SLC9A9: variants seen among roughly 807,000 people sequenced by gnomAD.
SLC9A9 encodes the protein sodium/hydrogen exchanger 9.
In SLC9A9, 62 loss-of-function variants were observed where a neutral mutation model predicts 77.8. The observed-to-expected ratio is 0.80, with a 90% confidence interval of 0.65 to 0.98. The LOEUF (loss-of-function observed/expected upper bound fraction) is 0.98, where lower values mean the gene tolerates loss of function less well. Ranked by LOEUF, SLC9A9 falls within the 50% of genes least tolerant of loss-of-function variation. SLC9A9 has a pLI of 0.00. For synonymous variants in SLC9A9, 320 were observed against 283.5 expected (o/e 1.13, Z -1.29); for missense variants, 775 against 774.9 (o/e 1.00, Z 0.00).
intron 14 of SLC9A9, among the ~76,000 whole-genome samples, chr3:143,310,584 T>G (rs1359712815): frequency 2.7e-5 from 4 of 149,140 alleles, no homozygotes; most frequent in African/African-American, 9.9e-5. Flanking sequence ...ATTTTAGAAA[T>G]GGAGACTTTC....
chr3:143,725,136 C>A (rs1934606141), intron 4 of SLC9A9, among the ~76,000 whole-genome samples: 2 of 152,136 alleles, frequency 1.3e-5, no homozygotes, highest in South Asian at 4.1e-4. Flanking sequence ...TATTTAAAGG[C>A]TTTGAAGACA....
At chr3:143,622,108 G>T (rs1240964333) in intron 6 of SLC9A9, among the ~76,000 whole-genome samples, 1 of 152,184 alleles carries the variant, frequency 6.6e-6, no homozygotes, top group Non-Finnish European at 1.5e-5. Context: ...AGAAATATGG[G>T]ACTATGTGAA....
At chr3:143,735,778 G>A (rs558494468) in intron 4 of SLC9A9, among the ~76,000 whole-genome samples, 13 of 152,358 alleles carry the variant, frequency 8.5e-5, no homozygotes, top group Admixed American at 7.2e-4. Context: ...TAACGTTAGT[G>A]TGTAAGATTA....
At chr3:143,530,981 G>GCA (rs1454510193) in intron 9 of SLC9A9, among the ~76,000 whole-genome samples, 2 of 152,108 alleles carry the variant, frequency 1.3e-5, no homozygotes, top group Non-Finnish European at 2.9e-5. Flanking sequence ...CCTAATTCCA[G>GCA]CACTCAGAAA....
At chr3:143,378,977 T>C (rs970661763) in intron 13 of SLC9A9, among the ~76,000 whole-genome samples, 5 of 151,994 alleles carry the variant, frequency 3.3e-5, no homozygotes, top group African/African-American at 1.2e-4. Flanking sequence ...AAAGTTATTT[T>C]ACTTTCCACA....
At chr3:143,405,560 A>G (rs778166044) in intron 12 of SLC9A9, among the ~76,000 whole-genome samples, 4 of 152,196 alleles carry the variant, frequency 2.6e-5, no homozygotes, top group East Asian at 1.9e-4. Flanking sequence ...TGGGTCCCCA[A>G]TATTCTCAGC....
At chr3:143,414,639 A>C (rs1317212551) in intron 12 of SLC9A9, among the ~76,000 whole-genome samples, 1 of 152,198 alleles carries the variant, frequency 6.6e-6, no homozygotes, top group African/African-American at 2.4e-5. Flanking sequence ...AGCAAACTTA[A>C]TGGATAAATG....
chr3:143,780,353 C>T (rs1013599629), intron 4 of SLC9A9, among the ~76,000 whole-genome samples: 3 of 152,134 alleles, frequency 2.0e-5, no homozygotes, highest in African/African-American at 4.8e-5. Context: ...TGGCACATTA[C>T]ATGCAACCAA....
intron 12 of SLC9A9, among the ~76,000 whole-genome samples, chr3:143,412,919 C>G (rs1309324758): frequency 1.3e-5 from 2 of 152,046 alleles, no homozygotes; most frequent in Admixed American, 6.6e-5. Context: ...TATTAGTGGA[C>G]CAATTCTGAT....
intron 6 of SLC9A9, among the ~76,000 whole-genome samples, chr3:143,603,100 T>A (rs1348752046): frequency 6.6e-6 from 1 of 152,252 alleles, no homozygotes; most frequent in Admixed American, 6.5e-5. Context: ...TCATACCATT[T>A]GGTCCAGGTA....
chr3:143,392,879 C>A (rs1352568959), intron 12 of SLC9A9, among the ~76,000 whole-genome samples: 1 of 152,202 alleles, frequency 6.6e-6, no homozygotes, highest in Non-Finnish European at 1.5e-5. Context: ...GTAAAGGGAT[C>A]AATTCAACAA....
intron 6 of SLC9A9, among the ~76,000 whole-genome samples, chr3:143,634,029 T>G (rs1181606248): frequency 6.6e-6 from 1 of 152,360 alleles, no homozygotes; most frequent in South Asian, 2.1e-4. Flanking sequence ...AGTGAACATG[T>G]GCTGCCTTTC....
At chr3:143,466,685 CT>C (rs1228644428) in intron 12 of SLC9A9, among the ~76,000 whole-genome samples, 8 of 152,196 alleles carry the variant, frequency 5.3e-5, no homozygotes, top group Admixed American at 3.3e-4. Context: ...TGTATCAGTC[CT>C]ACTGGATTGT....
chr3:143,646,961 T>C (rs538108831), intron 6 of SLC9A9, among the ~76,000 whole-genome samples: 217 of 152,358 alleles, frequency 1.4e-3, no homozygotes, highest in African/African-American at 5.1e-3. Context: ...TTATTTAGTA[T>C]AGCTGTTGTC....
At chr3:143,618,453 A>T (rs181964244) in intron 6 of SLC9A9, among the ~76,000 whole-genome samples, 2 of 152,168 alleles carry the variant, frequency 1.3e-5, no homozygotes, top group Admixed American at 6.5e-5. Flanking sequence ...TCAGGGCCCA[A>T]TGTTCATTCC....
chr3:143,436,305 C>T (rs888637871), intron 12 of SLC9A9, among the ~76,000 whole-genome samples: 1 of 152,178 alleles, frequency 6.6e-6, no homozygotes, highest in African/African-American at 2.4e-5. Context: ...CTCTCCTGCC[C>T]TAACAGGCTA....
intron 1 of SLC9A9, among the ~76,000 whole-genome samples, chr3:143,833,388 A>G (rs781656526): frequency 2.0e-5 from 3 of 152,230 alleles, no homozygotes; most frequent in Non-Finnish European, 4.4e-5. Flanking sequence ...ACAAACAATT[A>G]TAATAAAACA....
At chr3:143,425,255 G>T (rs2034381681) in intron 12 of SLC9A9, among the ~76,000 whole-genome samples, 1 of 136,568 alleles carries the variant, frequency 7.3e-6, no homozygotes. Context: ...GGGGACCAAT[G>T]AGGCTTAGCT....
At chr3:143,760,356 T>C (rs1012700935) in intron 4 of SLC9A9, among the ~76,000 whole-genome samples, 4 of 151,888 alleles carry the variant, frequency 2.6e-5, no homozygotes, top group Non-Finnish European at 2.9e-5. Flanking sequence ...GGCAATCAGG[T>C]AGGAGAAAGA....
Sources: gnomAD v4.1 joint callset for allele counts (sites outside exome capture counted in the v4.1 genomes callset) on GRCh38, gnomAD v4.1.1 for gene constraint, MANE v1.5 for transcripts, NCBI Gene and HGNC (gene_info 2026-07-23, HGNC 2026-07-21) for gene names.